B3GALT1: variants seen among roughly 807,000 people sequenced by gnomAD.
B3GALT1 encodes the protein beta-1,3-galactosyltransferase 1.
A neutral mutation model predicts 23.2 loss-of-function variants in B3GALT1; 10 were observed. The ratio of observed to expected loss-of-function variants is 0.43; its 90% confidence interval spans 0.27 to 0.73. The LOEUF (loss-of-function observed/expected upper bound fraction) is 0.73, where lower values mean the gene tolerates loss of function less well. Among genes scored for constraint, B3GALT1 ranks in the 30% least tolerant of loss-of-function variants. B3GALT1 has a pLI of 0.21. For synonymous variants in B3GALT1, 156 were observed against 141.5 expected (o/e 1.10, Z -0.73); for missense variants, 299 against 405.4 (o/e 0.74, Z 2.25).
At chr2:167,670,640 C>A (rs568143004) in intron 3 of B3GALT1, among the ~76,000 whole-genome samples, 25 of 151,984 alleles carry the variant, frequency 1.6e-4, no homozygotes, top group Admixed American at 3.3e-4. Context: ...TATAAGCAAA[C>A]ACAGATAACT....
intron 2 of B3GALT1, among the ~76,000 whole-genome samples, chr2:167,596,130 T>G (rs578245215): frequency 1.1e-4 from 16 of 152,328 alleles, no homozygotes; most frequent in Non-Finnish European, 2.1e-4. Flanking sequence ...GTAGATATTT[T>G]GAGAATGTTT....
chr2:167,468,729 G>A (rs972271465), intron 1 of B3GALT1, among the ~76,000 whole-genome samples: 7 of 152,074 alleles, frequency 4.6e-5, no homozygotes, highest in East Asian at 1.9e-4. Context: ...AAAATTAGCC[G>A]GGCATTGTGG....
In B3GALT1 at chr2:167,526,879, TAAC is replaced by T. The variant is rs568773828; in HGVS notation, c.-410+36604_-410+36606del. Among the ~76,000 whole-genome samples the T allele has an allele frequency of 1.8e-4, 27 of 152,214 alleles. 1 individual carries two copies. In the South Asian group the frequency reaches 5.2e-3, roughly 29 times the overall value. ...TCTACTACCTACAAATAGTTATTAT[TAAC>T]ATTTTCTTGCATTTCCTTTCAGAAT... is the stretch of plus-strand genomic sequence containing the variant. On this transcript the variant is annotated intron_variant, in intron 2 of 4. Coordinates refer to ENST00000392690, the MANE Select transcript of B3GALT1 (RefSeq NM_020981.4).
chr2:167,530,048 C>T (rs2105367173), intron 2 of B3GALT1, among the ~76,000 whole-genome samples: 1 of 152,272 alleles, frequency 6.6e-6, no homozygotes, highest in Non-Finnish European at 1.5e-5. Flanking sequence ...TCTCTGAGCT[C>T]ACTTCCTACA....
rs146066215 is a variant in B3GALT1, at chr2:167,508,280, C to T, written c.-410+18003C>T. Among the ~76,000 whole-genome samples, 137 of 137,334 alleles carry T rather than the reference C, an allele frequency of 1.0e-3. 2 individuals carry two copies. In the East Asian group the frequency reaches 0.023, roughly 23 times the overall value. 90.1% of individuals were successfully genotyped at this position (137,334 alleles called of 152,430 possible). The stretch of plus-strand genomic sequence containing the variant: ...TTAATTTTTTTTTTTTTTTTTCAGA[C>T]GGAGTCTTGCTCTGTCACCCAGGCT... On this transcript the variant is annotated intron_variant, in intron 2 of 4. Transcript: ENST00000392690.
intron 1 of B3GALT1, among the ~76,000 whole-genome samples, chr2:167,419,325 G>C (rs1188766416): frequency 1.3e-5 from 2 of 152,190 alleles, no homozygotes; most frequent in African/African-American, 4.8e-5. Context: ...TTTAATCACT[G>C]CCCTTAAAAT....
chr2:167,642,742 T>G (rs35453539), intron 2 of B3GALT1, among the ~76,000 whole-genome samples: 2,416 of 152,224 alleles, frequency 0.016, 20 homozygotes, highest in Middle Eastern at 0.061. Context: ...GTTGAGTTGT[T>G]GTGGTGGTTG....
intron 3 of B3GALT1, among the ~76,000 whole-genome samples, chr2:167,816,435 T>C (rs1001251359): frequency 6.6e-6 from 1 of 152,072 alleles, no homozygotes; most frequent in Non-Finnish European, 1.5e-5. Flanking sequence ...TTTACACATT[T>C]TCCACACCTT....
At chr2:167,561,629 C>T (rs1235802477) in intron 2 of B3GALT1, among the ~76,000 whole-genome samples, 1 of 152,074 alleles carries the variant, frequency 6.6e-6, no homozygotes, top group Non-Finnish European at 1.5e-5. Flanking sequence ...GGGATATCAC[C>T]ACCGATCCCA....
At chr2:167,813,855 C>G (rs1451144696) in intron 3 of B3GALT1, among the ~76,000 whole-genome samples, 1 of 152,204 alleles carries the variant, frequency 6.6e-6, no homozygotes, top group East Asian at 1.9e-4. Flanking sequence ...GAGTTGCATA[C>G]AGCAATATCC....
At chr2:167,841,316 T>C (rs1689645355) in intron 4 of B3GALT1, among the ~76,000 whole-genome samples, 1 of 151,924 alleles carries the variant, frequency 6.6e-6, no homozygotes, top group African/African-American at 2.4e-5. Context: ...CAGCACAACA[T>C]GCTTAGCCTT....
chr2:167,760,517 C>T (rs1037222784), intron 3 of B3GALT1, among the ~76,000 whole-genome samples: 2 of 152,208 alleles, frequency 1.3e-5, no homozygotes, highest in African/African-American at 2.4e-5. Context: ...TAATCAGAAA[C>T]AGTGCGATGC....
Position 167,799,915 on chromosome 2 carries a change from G to A in B3GALT1, c.-351-18757G>A, listed in dbSNP as rs577196558. 3.3e-5 allele frequency among the ~76,000 whole-genome samples: 5 copies of A among 152,262 alleles called. No individual in the cohort carries two copies. The South Asian group carries it at 8.3e-4, about 25-fold the overall frequency. ...GGTTCTTAGTTTTAACAAAATTTCT[G>A]TCTGACTTCAATAAAAGTTCTATTA... On this transcript the variant is annotated intron_variant, in intron 3 of 4. Transcript: ENST00000392690.
At chr2:167,826,863 C>T (rs1248142982) in intron 4 of B3GALT1, among the ~76,000 whole-genome samples, 1 of 152,150 alleles carries the variant, frequency 6.6e-6, no homozygotes, top group East Asian at 1.9e-4. Flanking sequence ...TGATTTAAAG[C>T]ACACAGGAGA....
chr2:167,327,106 A>G lies in B3GALT1; in HGVS notation c.-511+33772A>G, dbSNP rs529483691. Among the ~76,000 whole-genome samples the G allele has an allele frequency of 6.4e-4, 98 of 152,206 alleles. 1 individual carries two copies. The highest frequency in any genetic ancestry group is 1.0e-3 in the Non-Finnish European group (69 of 67,994). ...ATTTCTGGGTTCTCTATGCTGTTCC[A>G]TTGATCTATATGTTTAATTTTATAC... On this transcript the variant is annotated intron_variant, in intron 1 of 4. Coordinates refer to ENST00000392690, the MANE Select transcript of B3GALT1 (RefSeq NM_020981.4).
chr2:167,303,141 G>C (rs191618469), intron 1 of B3GALT1, among the ~76,000 whole-genome samples: 40 of 152,254 alleles, frequency 2.6e-4, no homozygotes, highest in African/African-American at 9.4e-4. Flanking sequence ...TGTAGCCATT[G>C]CCCTCTTCTG....
intron 1 of B3GALT1, among the ~76,000 whole-genome samples, chr2:167,458,231 C>G (rs903179353): frequency 6.6e-6 from 1 of 152,156 alleles, no homozygotes; most frequent in Non-Finnish European, 1.5e-5. Context: ...TTGTGACTGG[C>G]TTATTTCATT....
At chr2:167,480,971 G>A (rs1699557217) in intron 1 of B3GALT1, among the ~76,000 whole-genome samples, 1 of 152,090 alleles carries the variant, frequency 6.6e-6, no homozygotes, top group African/African-American at 2.4e-5. Context: ...CTTCACTGTG[G>A]CCTTGAACCC....
At chr2:167,377,561 C>T (rs2105273845) in intron 1 of B3GALT1, among the ~76,000 whole-genome samples, 1 of 152,218 alleles carries the variant, frequency 6.6e-6, no homozygotes, top group South Asian at 2.1e-4. Context: ...TTAAATTGAA[C>T]TCTTTATCAT....
Sources: gnomAD v4.1 joint callset for allele counts (sites outside exome capture counted in the v4.1 genomes callset) on GRCh38, gnomAD v4.1.1 for gene constraint, MANE v1.5 for transcripts, NCBI Gene and HGNC (gene_info 2026-07-23, HGNC 2026-07-21) for gene names.